IRAK2: variants seen among roughly 807,000 people sequenced by gnomAD.
IRAK2 encodes the protein interleukin 1 receptor associated kinase 2.
Under a neutral mutation model 72.0 loss-of-function variants are expected in IRAK2, and 57 were observed. The observed-to-expected ratio is 0.79, with a 90% CI of 0.64 to 0.99. The LOEUF (loss-of-function observed/expected upper bound fraction) is 0.99. Among genes scored for constraint, IRAK2 ranks in the 50% least tolerant of loss-of-function variants. The pLI is 0.00. For synonymous variants in IRAK2, 293 were observed against 312.7 expected, an observed-to-expected ratio of 0.94 and a Z score of 0.67; for missense variants, 790 against 794.4, an observed-to-expected ratio of 0.99 and a Z score of 0.07.
At chr3:10,239,081 G>T in intron 12 of IRAK2, 42 bp downstream of exon 12, 1 of 1,485,820 alleles carries the variant, frequency 6.7e-7, no homozygotes. Context: ...TCATGTGTGT[G>T]TCCCCAACTT....
chr3:10,198,302 CTTG>C (rs1197574620), intron 2 of IRAK2, among the ~76,000 whole-genome samples: 3 of 152,354 alleles, frequency 2.0e-5, no homozygotes, highest in Non-Finnish European at 2.9e-5. Context: ...GACATTCAGC[CTTG>C]TTGTTATTTT....
At chr3:10,175,766 T>A (rs1358832280) in intron 1 of IRAK2, among the ~76,000 whole-genome samples, 2 of 151,528 alleles carry the variant, frequency 1.3e-5, no homozygotes, top group Non-Finnish European at 2.9e-5. Context: ...GGTGGGCGCC[T>A]GTAGTCCCAG....
intron 1 of IRAK2, among the ~76,000 whole-genome samples, chr3:10,176,940 C>T (rs1696886646): frequency 6.6e-6 from 1 of 151,646 alleles, no homozygotes. Context: ...GTAGCTGGGA[C>T]TACAGGTGCC....
intron 8 of IRAK2, 121 bp from the exon 9 acceptor site, chr3:10,222,515 C>A (rs1049584094): frequency 1.0e-5 from 8 of 772,254 alleles, no homozygotes; most frequent in Admixed American, 4.4e-5. Flanking sequence ...TGCTGAGGGT[C>A]TTTAGAGACC....
chr3:10,190,284 T>C (rs1287871677), intron 2 of IRAK2, among the ~76,000 whole-genome samples: 2 of 139,334 alleles, frequency 1.4e-5, no homozygotes, highest in African/African-American at 5.4e-5. Context: ...TGTTTCTTTT[T>C]TTTTTTTTTT....
chr3:10,234,028 A>G (rs1432617721), intron 10 of IRAK2, among the ~76,000 whole-genome samples: 1 of 151,796 alleles, frequency 6.6e-6, no homozygotes, highest in African/African-American at 2.4e-5. Context: ...AAGCCCAGCT[A>G]ATTTTTATAT....
At chr3:10,232,353 T>C (rs1697874497) in intron 10 of IRAK2, among the ~76,000 whole-genome samples, 1 of 152,180 alleles carries the variant, frequency 6.6e-6, no homozygotes, top group South Asian at 2.1e-4. Flanking sequence ...TTGTTTAGAG[T>C]CATGGTCATT....
chr3:10,181,308 TA>T (rs569896526), intron 2 of IRAK2, among the ~76,000 whole-genome samples: 70 of 148,174 alleles, frequency 4.7e-4, no homozygotes, highest in East Asian at 2.6e-3. Context: ...GACTTTGTGT[TA>T]AAAAAAAAAA....
chr3:10,171,451 C>T (rs1034871379), intron 1 of IRAK2, among the ~76,000 whole-genome samples: 4 of 152,160 alleles, frequency 2.6e-5, no homozygotes, highest in East Asian at 1.9e-4. Flanking sequence ...TGTGGGCATT[C>T]GATTCTAAGA....
At chr3:10,235,422 C>A (rs1433527623) in intron 11 of IRAK2, among the ~76,000 whole-genome samples, 2 of 152,032 alleles carry the variant, frequency 1.3e-5, no homozygotes, top group Non-Finnish European at 2.9e-5. Flanking sequence ...CTCAGCCTCC[C>A]GAGTATCTTG....
At chr3:10,166,620 TATAAGTC>T (rs1696692769) in intron 1 of IRAK2, among the ~76,000 whole-genome samples, 5 of 110,668 alleles carry the variant, frequency 4.5e-5, no homozygotes, top group Admixed American at 2.6e-4. Context: ...TAAATATTCT[TATAAGTC>T]ATAAGTTGTA....
intron 2 of IRAK2, among the ~76,000 whole-genome samples, chr3:10,193,840 G>T (rs1697221395): frequency 6.6e-6 from 1 of 152,236 alleles, no homozygotes; most frequent in Non-Finnish European, 1.5e-5. Context: ...CACCTCCCCT[G>T]CTGCTGGGCT....
At chr3:10,193,630 A>G (rs1191572271) in intron 2 of IRAK2, among the ~76,000 whole-genome samples, 2 of 152,156 alleles carry the variant, frequency 1.3e-5, no homozygotes, top group African/African-American at 4.8e-5. Context: ...CTCAAAAACA[A>G]AAACAAAAAA....
At chr3:10,226,839 G>C (rs11465922) in intron 10 of IRAK2, among the ~76,000 whole-genome samples, 4 of 151,686 alleles carry the variant, frequency 2.6e-5, no homozygotes, top group African/African-American at 7.3e-5. Context: ...CCAGCTACTC[G>C]GGAGGCTGAG....
chr3:10,226,416 C>A lies in IRAK2; in HGVS notation c.1255C>A (p.Arg419=), dbSNP rs748322441. Reference sequence around the variant, plus strand: ...GGGCATCCCTGCAATGGATAACAACCGAAGCCCGGTTTACCTGGTAAGGGA... The same window carrying A: ...GGGCATCCCTGCAATGGATAACAACAGAAGCCCGGTTTACCTGGTAAGGGA... ...LTGIPAMDNN[R]SPVYLKDLLL... The change falls in exon 10 of 13, where the codon CGA becomes AGA. Residue 419 remains arginine, a synonymous_variant. Transcript: ENST00000256458. 14 of 1,613,352 alleles carry A rather than the reference C, an allele frequency of 8.7e-6. No individual in the cohort carries two copies. Among genetic ancestry groups the A allele is most frequent in the Non-Finnish European group, 1.2e-5 (14 of 1,179,728 alleles).
chr3:10,243,235 A>G lies in IRAK2; in HGVS notation c.*1007A>G, dbSNP rs1376693612. On this transcript the variant is annotated 3_prime_UTR_variant, in exon 13 of 13. Transcript: ENST00000256458. ...TTTTTAGTAGAGACAGGGTTTCACCATATTGGCCAGGCTGGTCTCGAACTA... is the reference window on the plus strand; with the variant it reads ...TTTTTAGTAGAGACAGGGTTTCACCGTATTGGCCAGGCTGGTCTCGAACTA... The G allele has an allele frequency of 2.0e-5, 3 of 152,352 alleles. No individual in the cohort carries two copies. Among genetic ancestry groups the G allele is most frequent in the East Asian group, 3.9e-4 (2 of 5,194 alleles). 9.4% of individuals were successfully genotyped at this position (152,352 alleles called of 1,614,324 possible). A position where few individuals can be genotyped will look rare whatever the true frequency, so the allele number is the denominator to read the frequency against.
chr3:10,198,432 G>A (rs999395507), intron 2 of IRAK2, among the ~76,000 whole-genome samples: 19 of 152,210 alleles, frequency 1.2e-4, no homozygotes, highest in Non-Finnish European at 1.9e-4. Context: ...GGGGCTGGTG[G>A]TGGCAGTGAT....
chr3:10,242,124 A>T lies in IRAK2; in HGVS notation c.1774A>T (p.Thr592Ser), dbSNP rs745858692. Residue 592 changes from threonine (T) to serine (S), a missense_variant, in exon 13 of 13, where the codon ACT becomes TCT. Physicochemically the swap from Thr to Ser is moderately conservative, Grantham distance 58. Coordinates refer to ENST00000256458, the MANE Select transcript of IRAK2 (RefSeq NM_001570.4). ...GLEPPQDVTE[T>S]SWQIEINEAK... ...TTTCTGTTGAACATCAGTTACAGAA[A>T]CTTCGTGGCAAATTGAGATCAATGA... The T allele has an allele frequency of 6.2e-7, 1 of 1,606,344 alleles. No individual in the cohort carries two copies. Among genetic ancestry groups the T allele is most frequent in the Non-Finnish European group, 8.5e-7 (1 of 1,173,758 alleles).
At position 10,238,935 on chromosome 3, in the gene IRAK2, C is replaced by T. The variant is rs1020412284; in HGVS notation, c.1661C>T (p.Pro554Leu). Residue 554 changes from proline to leucine, a missense_variant, in exon 12 of 13, where the codon CCA (proline) becomes CTA (leucine). Coordinates refer to ENST00000256458, the MANE Select transcript of IRAK2 (RefSeq NM_001570.4). ...GCACCCTGGGCAGGGGCTGCCACCC[C>T]ACTTCTCCCCACAGAGAATGGGGAA... Reference protein sequence around the residue: ...SVAPWAGAATPLLPTENGEGR... With the variant: ...SVAPWAGAATLLLPTENGEGR... 1 of 1,614,082 alleles carries T rather than the reference C, an allele frequency of 6.2e-7. No homozygotes were observed. Among genetic ancestry groups the T allele is most frequent in the African/African-American group, 1.3e-5 (1 of 75,018 alleles).
Sources: gnomAD v4.1 joint callset for allele counts (sites outside exome capture counted in the v4.1 genomes callset) on GRCh38, gnomAD v4.1.1 for gene constraint, MANE v1.5 for transcripts, NCBI Gene and HGNC (gene_info 2026-07-23, HGNC 2026-07-21) for gene names.